The following ESR1 variants were observed in gnomAD, a reference collection of about 807,000 sequenced individuals.
ESR1 encodes estrogen receptor 1.
A neutral mutation model predicts 52.7 loss-of-function variants in ESR1; 12 were observed. The observed-to-expected ratio is 0.23, with a 90% confidence interval of 0.15 to 0.37. ESR1 has a LOEUF of 0.37. Among genes scored for constraint, ESR1 ranks in the 10% least tolerant of loss-of-function variants. ESR1 has a pLI of 1.00. For synonymous variants in ESR1, 305 were observed against 316.8 expected (o/e 0.96, Z 0.39); for missense variants, 584 against 779.7 (o/e 0.75, Z 2.99).
chr6:151,678,065 C>G (rs1778313610), intron 1 of ESR1, among the ~76,000 whole-genome samples: 1 of 152,126 alleles, frequency 6.6e-6, no homozygotes, highest in Non-Finnish European at 1.5e-5. Context: ...GTGTGTGAGG[C>G]ACATGTATGG....
At chr6:152,122,099 C>CGCCG in intron 6 of ESR1, 3 of 375,744 alleles carry the variant, frequency 8.0e-6, no homozygotes, top group Admixed American at 3.9e-5. Flanking sequence ...CCCAGATGGT[C>CGCCG]TACTGAAGTC....
At chr6:152,072,882 C>A (rs2048460508) in intron 6 of ESR1, among the ~76,000 whole-genome samples, 2 of 152,228 alleles carry the variant, frequency 1.3e-5, no homozygotes, top group Non-Finnish European at 2.9e-5. Flanking sequence ...AAGTATTAAT[C>A]ATTGAGTTAG....
At chr6:151,930,628 A>G (rs2033452150) in intron 3 of ESR1, among the ~76,000 whole-genome samples, 1 of 152,198 alleles carries the variant, frequency 6.6e-6, no homozygotes, top group South Asian at 2.1e-4. Flanking sequence ...TTCTCTGATT[A>G]TCTTCCATGC....
intron 1 of ESR1, among the ~76,000 whole-genome samples, chr6:151,675,896 T>C (rs1324264231): frequency 1.3e-5 from 2 of 152,216 alleles, no homozygotes; most frequent in Non-Finnish European, 2.9e-5. Context: ...CTGCAGGTTC[T>C]GCTATGGACC....
intron 1 of ESR1, among the ~76,000 whole-genome samples, chr6:151,828,900 A>G (rs1400177709): frequency 2.0e-5 from 3 of 152,216 alleles, no homozygotes; most frequent in Admixed American, 6.5e-5. Flanking sequence ...CCTTTGTTAC[A>G]TGAGCAGCAA....
rs1777472946 is a variant in ESR1 at position 151,656,867 on chromosome 6, A to G, written n.73+104A>G. 2.0e-5 allele frequency: 3 copies of G among 152,330 alleles called. No homozygotes were observed. In the South Asian group the frequency reaches 6.2e-4, roughly 32 times the overall value. 9.4% of individuals were successfully genotyped at this position (152,330 alleles called of 1,614,324 possible). A position where few individuals can be genotyped will look rare whatever the true frequency, so the allele number is the denominator to read the frequency against. On this transcript the variant is annotated intron_variant and non_coding_transcript_variant, in intron 1 of 2. Coordinates refer to the ESR1 transcript ENST00000473497. ...AGACCAAGGCCTCACACATCAGGAT[A>G]AAAGCACATGCCATAGAAAGAACAT...
intron 3 of ESR1, among the ~76,000 whole-genome samples, chr6:151,918,726 G>A (rs188231713): frequency 3.9e-5 from 6 of 152,270 alleles, no homozygotes; most frequent in East Asian, 3.9e-4. Context: ...CCAATCCTGC[G>A]TGTGCTATGT....
intron 4 of ESR1, among the ~76,000 whole-genome samples, chr6:151,966,403 T>A (rs879164354): frequency 5.3e-4 from 81 of 152,310 alleles, no homozygotes; most frequent in African/African-American, 1.9e-3. Flanking sequence ...ATAGGCTTTT[T>A]AATTAAAGTC....
At chr6:152,039,249 G>T (rs757053711) in intron 5 of ESR1, among the ~76,000 whole-genome samples, 1 of 152,126 alleles carries the variant, frequency 6.6e-6, no homozygotes, top group Non-Finnish European at 1.5e-5. Context: ...TTGTAGTCCT[G>T]CCTGGATCGA....
At chr6:151,833,818 A>T (rs762071389) in intron 1 of ESR1, among the ~76,000 whole-genome samples, 25 of 152,324 alleles carry the variant, frequency 1.6e-4, no homozygotes, top group Non-Finnish European at 2.9e-4. Flanking sequence ...GAGGAAATGA[A>T]GCGTACATTT....
At chr6:151,994,895 C>T (rs1409014186) in intron 4 of ESR1, among the ~76,000 whole-genome samples, 1 of 152,078 alleles carries the variant, frequency 6.6e-6, no homozygotes, top group Non-Finnish European at 1.5e-5. Flanking sequence ...GATCAATTTC[C>T]AAGGCAGGCG....
intron 1 of ESR1, among the ~76,000 whole-genome samples, chr6:151,837,909 G>A (rs1783635782): frequency 6.6e-6 from 1 of 152,220 alleles, no homozygotes; most frequent in Admixed American, 6.5e-5. Flanking sequence ...GTTAGGGTTT[G>A]TGAAGTCTCC....
intron 4 of ESR1, among the ~76,000 whole-genome samples, chr6:151,955,885 C>T (rs1018927127): frequency 3.3e-5 from 5 of 152,106 alleles, no homozygotes; most frequent in East Asian, 1.9e-4. Flanking sequence ...CTCACCCTCC[C>T]TCACGTAGGC....
chr6:152,084,628 G>C (rs913501620), intron 6 of ESR1, among the ~76,000 whole-genome samples: 3 of 149,036 alleles, frequency 2.0e-5, no homozygotes, highest in Non-Finnish European at 3.0e-5. Context: ...TGGACTGCAA[G>C]TTTGGCTCTA....
At chr6:151,718,238 T>C (rs976706291) in intron 2 of ESR1, among the ~76,000 whole-genome samples, 5 of 152,204 alleles carry the variant, frequency 3.3e-5, no homozygotes, top group Admixed American at 6.5e-5. Flanking sequence ...GAATTAGTAA[T>C]AAGAAATTGT....
intron 4 of ESR1, among the ~76,000 whole-genome samples, chr6:151,955,991 G>T (rs534386481): frequency 1.3e-5 from 2 of 152,038 alleles, no homozygotes; most frequent in Non-Finnish European, 2.9e-5. Context: ...TTCTGCTTCT[G>T]TGTCAGTTTG....
chr6:151,779,137 C>T (rs1384474073), intron 2 of ESR1, among the ~76,000 whole-genome samples: 6 of 152,130 alleles, frequency 3.9e-5, no homozygotes, highest in Non-Finnish European at 7.4e-5. Context: ...GTTGCCATTG[C>T]TTTTGTGTTT....
chr6:152,020,504 G>A (rs866349908), intron 5 of ESR1, among the ~76,000 whole-genome samples: 10 of 152,146 alleles, frequency 6.6e-5, no homozygotes, highest in Non-Finnish European at 7.4e-5. Flanking sequence ...AGACAGGAGC[G>A]CAGTGGTGTG....
chr6:151,963,987 C>T (rs2982688), intron 4 of ESR1, among the ~76,000 whole-genome samples: 90,634 of 152,006 alleles, frequency 0.6, 27,842 homozygotes, highest in Middle Eastern at 0.73. Context: ...CTTACTTGTG[C>T]GGGTTTATTT....
Sources: gnomAD v4.1 joint callset for allele counts (sites outside exome capture counted in the v4.1 genomes callset) on GRCh38, gnomAD v4.1.1 for gene constraint, MANE v1.5 for transcripts, NCBI Gene and HGNC (gene_info 2026-07-23, HGNC 2026-07-21) for gene names.